KCNAB1: variants seen among roughly 807,000 people sequenced by gnomAD.
KCNAB1 encodes the protein potassium voltage-gated channel subfamily A regulatory beta subunit 1.
KCNAB1 carries 35 observed loss-of-function variants against 64.6 expected under a neutral mutation model. The observed-to-expected ratio is 0.54, with a 90% confidence interval of 0.41 to 0.72. The LOEUF (loss-of-function observed/expected upper bound fraction) is 0.72. Among genes scored for constraint, KCNAB1 ranks in the 30% least tolerant of loss-of-function variants. The pLI is 0.00. For synonymous variants in KCNAB1, 177 were observed against 183.8 expected (o/e 0.96, Z 0.30); for missense variants, 401 against 512.9 (o/e 0.78, Z 2.11).
At chr3:156,428,961 T>A (rs1420182369) in intron 2 of KCNAB1, among the ~76,000 whole-genome samples, 1 of 152,242 alleles carries the variant, frequency 6.6e-6, no homozygotes, top group Non-Finnish European at 1.5e-5. Context: ...TGCTTCATGC[T>A]TCGTCCTTGA....
At chr3:156,165,062 A>G (rs1716292328) in intron 1 of KCNAB1, among the ~76,000 whole-genome samples, 1 of 151,930 alleles carries the variant, frequency 6.6e-6, no homozygotes, top group South Asian at 2.1e-4. Flanking sequence ...GCGGATCACG[A>G]GGTCAGGAGA....
At chr3:156,447,729 A>C (rs1000907858) in intron 2 of KCNAB1, among the ~76,000 whole-genome samples, 3 of 152,198 alleles carry the variant, frequency 2.0e-5, no homozygotes, top group Non-Finnish European at 4.4e-5. Context: ...GAAAACATAC[A>C]ATTAAATGCA....
intron 1 of KCNAB1, among the ~76,000 whole-genome samples, chr3:156,311,641 A>G (rs778140292): frequency 2.0e-5 from 3 of 152,144 alleles, no homozygotes; most frequent in African/African-American, 7.2e-5. Flanking sequence ...CAGAAAGACA[A>G]TGGGAGTCAT....
At chr3:156,495,293 A>C (rs1190316003) in intron 8 of KCNAB1, among the ~76,000 whole-genome samples, 3 of 152,184 alleles carry the variant, frequency 2.0e-5, no homozygotes, top group African/African-American at 7.2e-5. Context: ...AGTGTAAATT[A>C]GTTCAGCCAT....
chr3:156,285,888 G>T (rs777066795), intron 1 of KCNAB1, among the ~76,000 whole-genome samples: 35 of 152,184 alleles, frequency 2.3e-4, no homozygotes, highest in Non-Finnish European at 4.1e-4. Flanking sequence ...AAATATCAGA[G>T]GTCTGCTATA....
intron 1 of KCNAB1, among the ~76,000 whole-genome samples, chr3:156,339,607 C>T (rs990655073): frequency 6.6e-6 from 1 of 152,176 alleles, no homozygotes; most frequent in African/African-American, 2.4e-5. Flanking sequence ...TGCAAAAGGC[C>T]AGCCTGTTTT....
intron 6 of KCNAB1, among the ~76,000 whole-genome samples, chr3:156,464,485 A>AAT (rs1553750781): frequency 1.9e-4 from 28 of 147,816 alleles, no homozygotes; most frequent in African/African-American, 2.5e-4. Flanking sequence ...AATCGCAAAA[A>AAT]AATAATAATA....
intron 1 of KCNAB1, among the ~76,000 whole-genome samples, chr3:156,308,880 A>C (rs1292355649): frequency 1.3e-5 from 2 of 152,226 alleles, no homozygotes; most frequent in Non-Finnish European, 2.9e-5. Context: ...CAACTGATGG[A>C]ACATTAGAAT....
chr3:156,480,688 T>C (rs1401732518), intron 8 of KCNAB1, among the ~76,000 whole-genome samples: 3 of 152,106 alleles, frequency 2.0e-5, no homozygotes, highest in Non-Finnish European at 4.4e-5. Flanking sequence ...CCCTACTAAG[T>C]CTTTGAAATC....
At chr3:156,430,230 T>C (rs767916490) in intron 2 of KCNAB1, among the ~76,000 whole-genome samples, 5 of 152,150 alleles carry the variant, frequency 3.3e-5, no homozygotes, top group Non-Finnish European at 5.9e-5. Flanking sequence ...AACCTAATAT[T>C]TCACACGCTG....
chr3:156,270,689 T>C (rs1718981229), intron 1 of KCNAB1, among the ~76,000 whole-genome samples: 1 of 152,260 alleles, frequency 6.6e-6, no homozygotes, highest in Non-Finnish European at 1.5e-5. Context: ...AACCATTTCA[T>C]CTTTTCATCT....
In KCNAB1 at chr3:156,483,567, T is replaced by C. The variant is rs1207378858; in HGVS notation, c.658+8747T>C. Among the ~76,000 whole-genome samples the C allele has an allele frequency of 3.3e-5, 5 of 152,134 alleles. No individual in the cohort carries two copies. In the South Asian group the frequency reaches 6.2e-4, roughly 19 times the overall value. ...ACTTAGTTTTACCATGCTCATCATATAAATTCTGCCTATGTCTCACAAGCT... is the reference window on the plus strand; with the variant it reads ...ACTTAGTTTTACCATGCTCATCATACAAATTCTGCCTATGTCTCACAAGCT... On this transcript the variant is annotated intron_variant, in intron 8 of 13. Transcript: ENST00000490337.
At chr3:156,503,680 T>G (rs1385284023) in intron 8 of KCNAB1, among the ~76,000 whole-genome samples, 1 of 152,064 alleles carries the variant, frequency 6.6e-6, no homozygotes, top group Non-Finnish European at 1.5e-5. Context: ...AAGATAAAGG[T>G]GGAGGGAAAG....
At chr3:156,210,070 G>T (rs1465842786) in intron 1 of KCNAB1, among the ~76,000 whole-genome samples, 2 of 152,180 alleles carry the variant, frequency 1.3e-5, no homozygotes, top group South Asian at 2.1e-4. Context: ...ACTCCTCATG[G>T]CTGCTCACTA....
chr3:156,234,179 A>G (rs897967677), intron 1 of KCNAB1, among the ~76,000 whole-genome samples: 8 of 152,080 alleles, frequency 5.3e-5, no homozygotes, highest in Non-Finnish European at 1.2e-4. Flanking sequence ...AGCATTGAAC[A>G]GTGAGAGGAA....
At chr3:156,235,459 A>C (rs1382999356) in intron 1 of KCNAB1, among the ~76,000 whole-genome samples, 1 of 151,952 alleles carries the variant, frequency 6.6e-6, no homozygotes, top group African/African-American at 2.4e-5. Flanking sequence ...GTAATGGATT[A>C]CTCTTTCCCT....
chr3:156,221,627 A>G (rs1715743822), intron 1 of KCNAB1, among the ~76,000 whole-genome samples: 1 of 151,934 alleles, frequency 6.6e-6, no homozygotes, highest in African/African-American at 2.4e-5. Flanking sequence ...AAAATACAAA[A>G]ATTAGCCGGA....
intron 11 of KCNAB1, among the ~76,000 whole-genome samples, chr3:156,516,772 A>C (rs1410373473): frequency 2.0e-5 from 3 of 152,262 alleles, no homozygotes; most frequent in Non-Finnish European, 4.4e-5. Flanking sequence ...AGTGTAAGCC[A>C]TAAAGGCTTA....
At chr3:156,302,548 G>A (rs915197074) in intron 1 of KCNAB1, among the ~76,000 whole-genome samples, 2 of 152,076 alleles carry the variant, frequency 1.3e-5, no homozygotes, top group Admixed American at 1.3e-4. Context: ...TGAGTGCTGG[G>A]GATTTTCTCT....
Sources: gnomAD v4.1 joint callset for allele counts (sites outside exome capture counted in the v4.1 genomes callset) on GRCh38, gnomAD v4.1.1 for gene constraint, MANE v1.5 for transcripts, NCBI Gene and HGNC (gene_info 2026-07-23, HGNC 2026-07-21) for gene names.